Variants in MIAT observed in about 807,000 individuals in gnomAD.
MIAT encodes the protein MI related novel mRNA.
exon 5 of MIAT, chr22:26,674,943 A>G (rs946830110): frequency 5.0e-6 from 2 of 398,744 alleles, no homozygotes; most frequent in Non-Finnish European, 8.8e-6. Context: ...TGAAGTAGAT[A>G]GTGATTCAGT....
intron 2 of MIAT, chr22:26,657,307 T>G (rs959300785): frequency 1.4e-4 from 57 of 393,126 alleles, no homozygotes; most frequent in African/African-American, 1.0e-3. Context: ...GAGTGCTCCC[T>G]CCAAGACCGG....
chr22:26,671,458 C>T (rs762373309), downstream of MIAT: 9 of 398,630 alleles, frequency 2.3e-5, no homozygotes, highest in Admixed American at 4.4e-5. Flanking sequence ...TGGCGTGTGA[C>T]GAGGTGCCTG....
At chr22:26,653,399 T>G (rs1930372316) in intron 2 of MIAT, among the ~76,000 whole-genome samples, 1 of 152,172 alleles carries the variant, frequency 6.6e-6, no homozygotes, top group East Asian at 1.9e-4. Flanking sequence ...TCACCCCTTT[T>G]GCTCCCCTCC....
downstream of MIAT, chr22:26,672,629 G>A (rs5761671): frequency 0.88 from 349,152 of 399,010 alleles, 153,265 homozygotes; most frequent in East Asian, 1. Context: ...GTTAAGTGAC[G>A]GGGATAGAAG....
intron 3 of MIAT, among the ~76,000 whole-genome samples, chr22:26,664,390 T>A (rs777595393): frequency 1.1e-4 from 16 of 152,212 alleles, no homozygotes; most frequent in Non-Finnish European, 1.8e-4. Context: ...AAAAGTCATA[T>A]AACTCACCCA....
chr22:26,658,858 A>G (rs1930555288), intron 2 of MIAT, among the ~76,000 whole-genome samples: 1 of 152,190 alleles, frequency 6.6e-6, no homozygotes, highest in Non-Finnish European at 1.5e-5. Flanking sequence ...CCAGGCTGGG[A>G]CTGAGCACGA....
In MIAT at chr22:26,668,403, G is replaced by C. The variant is rs1342996079; in HGVS notation, n.2508G>C. ...CTGGCTCTGGAGGACAGCTCCAGGG[G>C]TATGAGGGAGGCCTGGCAGCCCACT... On this transcript the variant is annotated non_coding_transcript_exon_variant, in exon 6 of 6. Coordinates refer to ENST00000643270, the Ensembl canonical transcript of MIAT. The C allele has an allele frequency of 1.3e-5, 5 of 398,694 alleles. No homozygotes were observed. The Admixed American group carries it at 1.8e-4, about 14-fold the overall frequency. The allele number at this position is 398,694 out of a possible 1,614,324, so 24.7% of individuals were successfully genotyped here.
downstream of MIAT, chr22:26,670,301 T>A: frequency 2.5e-6 from 1 of 398,398 alleles, no homozygotes; most frequent in Admixed American, 4.4e-5. Context: ...GGGGGAAATA[T>A]AGGTGAAGAG....
chr22:26,664,388 T>G (rs182680884), intron 3 of MIAT, among the ~76,000 whole-genome samples: 2 of 152,334 alleles, frequency 1.3e-5, no homozygotes, highest in East Asian at 3.9e-4. Flanking sequence ...TTAAAAGTCA[T>G]ATAACTCACC....
chr22:26,648,836 C>A (rs955400006), intron 2 of MIAT, among the ~76,000 whole-genome samples: 1 of 151,856 alleles, frequency 6.6e-6, no homozygotes. Flanking sequence ...AATAACTAAC[C>A]AGGTATAAGA....
At chr22:26,672,772 G>T (rs528017899), downstream of MIAT, 2 of 398,858 alleles carry the variant, frequency 5.0e-6, no homozygotes, top group South Asian at 2.5e-4. Context: ...TCTTACACCG[G>T]AAGTCAATGA....
intron 2 of MIAT, among the ~76,000 whole-genome samples, chr22:26,655,674 G>A (rs1041505166): frequency 1.7e-4 from 26 of 152,134 alleles, no homozygotes; most frequent in African/African-American, 4.3e-4. Flanking sequence ...ATGTAAACCC[G>A]GAATAGTCTG....
chr22:26,668,921 T>G (rs968252411), exon 6 of MIAT: 1 of 398,422 alleles, frequency 2.5e-6, no homozygotes, highest in African/African-American at 2.1e-5. Flanking sequence ...GAGATAAGAT[T>G]TAGGCTAGGG....
intron 3 of MIAT, among the ~76,000 whole-genome samples, chr22:26,664,717 AT>A (rs1930784588): frequency 2.6e-5 from 4 of 152,216 alleles, no homozygotes; most frequent in Non-Finnish European, 5.9e-5. Flanking sequence ...AGATTCCCTT[AT>A]GTGGATAAGC....
chr22:26,662,786 C>T (rs759142658), intron 2 of MIAT, among the ~76,000 whole-genome samples: 2 of 152,146 alleles, frequency 1.3e-5, no homozygotes, highest in African/African-American at 2.4e-5. Flanking sequence ...CAGAGGGATT[C>T]TAAAATGCAA....
Position 26,650,814 on chromosome 22 carries a change from CAG to C in MIAT, n.646+3508_646+3509del, listed in dbSNP as rs374384427. Among the ~76,000 whole-genome samples, 296 of 152,310 alleles carry C rather than the reference CAG, an allele frequency of 1.9e-3. 3 individuals carry two copies. The South Asian group carries it at 0.03, about 15-fold the overall frequency. On this transcript the variant is annotated intron_variant and non_coding_transcript_variant, in intron 2 of 5. Coordinates refer to ENST00000643270, the Ensembl canonical transcript of MIAT. ...ATTCAGGATGATGCAGATGGGTTTT[CAG>C]AGAGTCTGAGGGCAGCTTCTGGAAT... is the stretch of plus-strand genomic sequence containing the variant.
intron 2 of MIAT, among the ~76,000 whole-genome samples, chr22:26,659,836 CTTTCTTT>C (rs1431127924): frequency 4.3e-4 from 35 of 81,322 alleles, no homozygotes; most frequent in African/African-American, 1.3e-3. Flanking sequence ...TTCTTTCTTT[CTTTCTTT>C]TTTTTTTTTT....
downstream of MIAT, chr22:26,673,745 G>A (rs117092910): frequency 5.0e-6 from 2 of 398,636 alleles, no homozygotes; most frequent in African/African-American, 4.1e-5. Context: ...CGTGGTGGCT[G>A]CTCTGAGTCA....
Position 26,676,049 on chromosome 22 carries a change from A to G in MIAT, n.9717A>G, listed in dbSNP as rs3747138. 5,367 of 398,622 alleles carry G rather than the reference A, an allele frequency of 0.013. 308 individuals carry two copies. In the East Asian group the frequency reaches 0.14, roughly 10 times the overall value. The allele number at this position is 398,622 out of a possible 1,614,324, so 24.7% of individuals were successfully genotyped here. On this transcript the variant is annotated non_coding_transcript_exon_variant, in exon 5 of 5. Transcript: ENST00000613780. ...CTGCTTTGGAGTCTACTGAACATCA[A>G]GCTTGCTATGAGCAGGATCTTAGAG...
Sources: gnomAD v4.1 joint callset for allele counts (sites outside exome capture counted in the v4.1 genomes callset) on GRCh38, gnomAD v4.1.1 for gene constraint, MANE v1.5 for transcripts, NCBI Gene and HGNC (gene_info 2026-07-23, HGNC 2026-07-21) for gene names.